TOM1L2: variants seen among roughly 807,000 people sequenced by gnomAD.
TOM1L2 encodes the protein TOM1-like protein 2.
In TOM1L2, 31 loss-of-function variants were observed where a neutral mutation model predicts 67.9. The observed-to-expected ratio is 0.46, with a 90% confidence interval of 0.34 to 0.62. The LOEUF is 0.62. Ranked by LOEUF, TOM1L2 falls within the 20% of genes least tolerant of loss-of-function variation. The probability of loss-of-function intolerance (pLI) is 0.01; values close to 1 mark genes in which losing one functional copy is unlikely to be tolerated. For missense variants in TOM1L2, 606 were observed against 663.5 expected (o/e 0.91, Z 0.95); for synonymous variants, 256 against 254.0 (o/e 1.01, Z -0.07).
intron 3 of TOM1L2, among the ~76,000 whole-genome samples, chr17:17,897,405 G>A (rs148902613): frequency 3.0e-3 from 452 of 152,276 alleles, no homozygotes; most frequent in Non-Finnish European, 5.0e-3. Context: ...ATCCAAACAG[G>A]TTCTCTGCTT....
intron 1 of TOM1L2, among the ~76,000 whole-genome samples, chr17:17,913,161 T>C (rs1032831092): frequency 1.4e-4 from 16 of 111,420 alleles, no homozygotes; most frequent in African/African-American, 4.5e-4. Context: ...CGGCTCGGCA[T>C]GAGAGGGAGA....
chr17:17,892,528 A>G (rs1159487178), intron 4 of TOM1L2, among the ~76,000 whole-genome samples: 1 of 151,992 alleles, frequency 6.6e-6, no homozygotes, highest in Non-Finnish European at 1.5e-5. Flanking sequence ...ATGTCTTCCC[A>G]CTGCCTACAG....
intron 12 of TOM1L2, chr17:17,857,652 T>C: frequency 1.2e-6 from 1 of 813,656 alleles, no homozygotes; most frequent in Non-Finnish European, 1.9e-6. Flanking sequence ...AGAAAGCGTG[T>C]GGCCTTGTAC....
chr17:17,878,424 C>T (rs2037535223), intron 7 of TOM1L2, among the ~76,000 whole-genome samples: 1 of 152,222 alleles, frequency 6.6e-6, no homozygotes, highest in South Asian at 2.1e-4. Context: ...CTCCAGGGAC[C>T]ACAGCTCATG....
rs34433429 is a variant in TOM1L2 at position 17,940,192 on chromosome 17, C to CAAA, written c.52+32067_52+32069dup. 1.6e-3 allele frequency among the ~76,000 whole-genome samples: 51 copies of CAAA among 32,582 alleles called. 2 individuals are homozygous for CAAA. Among genetic ancestry groups the CAAA allele is most frequent in the East Asian group, 0.014 (18 of 1,320 alleles). 21.4% of individuals were successfully genotyped at this position (32,582 alleles called of 152,430 possible). On this transcript the variant is annotated intron_variant, in intron 1 of 14. Coordinates refer to ENST00000379504, the MANE Select transcript of TOM1L2 (RefSeq NM_001082968.2). ...TGGGCGACAGAGCAAGACTCTATCTCAAAAAAAAAAAAAAAAAAAAAAAAA... is the reference window on the plus strand; with the variant it reads ...TGGGCGACAGAGCAAGACTCTATCTCAAAAAAAAAAAAAAAAAAAAAAAAAAAA...
chr17:17,924,219 T>C (rs931286860), intron 1 of TOM1L2, among the ~76,000 whole-genome samples: 9 of 152,106 alleles, frequency 5.9e-5, no homozygotes, highest in Non-Finnish European at 1.2e-4. Context: ...GGCAAATCTA[T>C]AGAGACAGAA....
chr17:17,870,564 G>T (rs1165165991), intron 7 of TOM1L2, among the ~76,000 whole-genome samples: 1 of 152,184 alleles, frequency 6.6e-6, no homozygotes, highest in Non-Finnish European at 1.5e-5. Context: ...AGTGAGTTAA[G>T]GGGATAAGAC....
chr17:17,931,729 T>G (rs985183666), intron 1 of TOM1L2, among the ~76,000 whole-genome samples: 9 of 152,242 alleles, frequency 5.9e-5, no homozygotes, highest in African/African-American at 2.2e-4. Context: ...TCATGCCAGA[T>G]CCAGGTTCAG....
chr17:17,855,698 T>C (rs1368944548), intron 12 of TOM1L2, among the ~76,000 whole-genome samples: 1 of 152,162 alleles, frequency 6.6e-6, no homozygotes, highest in East Asian at 1.9e-4. Flanking sequence ...CACAGCCCCA[T>C]GCCCACAAGG....
chr17:17,965,785 G>C (rs1003639606), intron 1 of TOM1L2, among the ~76,000 whole-genome samples: 2 of 152,188 alleles, frequency 1.3e-5, no homozygotes, highest in African/African-American at 4.8e-5. Flanking sequence ...GCCCACTTCA[G>C]TCTCTGGCAC....
At chr17:17,850,756 T>C in intron 13 of TOM1L2, 137 bp downstream of exon 13, 1 of 896,870 alleles carries the variant, frequency 1.1e-6, no homozygotes, top group Non-Finnish European at 1.8e-6. Context: ...GGGGCAGCTA[T>C]GGAGCTTGCC....
At chr17:17,971,703 C>T (rs1287377656) in intron 1 of TOM1L2, among the ~76,000 whole-genome samples, 2 of 152,252 alleles carry the variant, frequency 1.3e-5, no homozygotes, top group African/African-American at 2.4e-5. Context: ...CATGCAGTGG[C>T]ATCTCCCAAA....
chr17:17,934,491 A>C (rs73301865), intron 1 of TOM1L2, among the ~76,000 whole-genome samples: 5,958 of 152,260 alleles, frequency 0.039, 411 homozygotes, highest in African/African-American at 0.13. Flanking sequence ...CAAAGGAACA[A>C]AGCCTGAAAG....
chr17:17,900,726 T>C (rs1267415471), intron 2 of TOM1L2, among the ~76,000 whole-genome samples: 1 of 152,170 alleles, frequency 6.6e-6, no homozygotes, highest in African/African-American at 2.4e-5. Flanking sequence ...AGGCCAAGTA[T>C]GTCTGCAGTA....
chr17:17,928,401 C>T lies in TOM1L2; in HGVS notation c.53-20870G>A, dbSNP rs2040184023. ...TTCAGCCTAGTCGCTAAGTGGAAATCGGCATAGGAATGCTAAGAGGAAAAC... is the reference window on the plus strand; with the variant it reads ...TTCAGCCTAGTCGCTAAGTGGAAATTGGCATAGGAATGCTAAGAGGAAAAC... On this transcript the variant is annotated intron_variant, in intron 1 of 14. Coordinates refer to ENST00000379504, the MANE Select transcript of TOM1L2 (RefSeq NM_001082968.2). Among the ~76,000 whole-genome samples, 4 of 152,212 alleles carry T rather than the reference C, an allele frequency of 2.6e-5. No individual in the cohort carries two copies. In the South Asian group the frequency reaches 8.3e-4, roughly 32 times the overall value.
chr17:17,965,414 G>A (rs573485934), intron 1 of TOM1L2, among the ~76,000 whole-genome samples: 1 of 152,206 alleles, frequency 6.6e-6, no homozygotes, highest in South Asian at 2.1e-4. Context: ...ATTTGCTCAA[G>A]TTGTCTCTGC....
At chr17:17,902,172 A>G (rs1194479725) in intron 2 of TOM1L2, among the ~76,000 whole-genome samples, 1 of 151,438 alleles carries the variant, frequency 6.6e-6, no homozygotes, top group Non-Finnish European at 1.5e-5. Context: ...GCAAAACTCC[A>G]CCTCAAAAAT....
chr17:17,962,528 G>T (rs142548610), intron 1 of TOM1L2, among the ~76,000 whole-genome samples: 4 of 151,930 alleles, frequency 2.6e-5, no homozygotes, highest in Admixed American at 1.3e-4. Flanking sequence ...TGCGCAGGCT[G>T]GTCTCGAACT....
chr17:17,879,542 C>T (rs1024784800), intron 7 of TOM1L2, 85 bp downstream of exon 7: 12 of 1,086,762 alleles, frequency 1.1e-5, no homozygotes, highest in African/African-American at 7.7e-5. Context: ...CCCGCCTTGC[C>T]GCTGTGTCCC....
Sources: gnomAD v4.1 joint callset for allele counts (sites outside exome capture counted in the v4.1 genomes callset) on GRCh38, gnomAD v4.1.1 for gene constraint, MANE v1.5 for transcripts, NCBI Gene and HGNC (gene_info 2026-07-23, HGNC 2026-07-21) for gene names.